The following DCLK1 variants were observed in gnomAD, a reference collection of about 807,000 sequenced individuals.
DCLK1 encodes doublecortin like kinase 1, also known as serine/threonine-protein kinase DCLK1.
A neutral mutation model predicts 86.2 loss-of-function variants in DCLK1; 16 were observed. The ratio of observed to expected loss-of-function variants is 0.19; its 90% CI spans 0.13 to 0.28. DCLK1 has a LOEUF of 0.28. DCLK1 is among the 10% of genes least tolerant of loss of function. DCLK1 has a pLI of 1.00. For missense variants in DCLK1, 590 were observed against 940.2 expected, an observed-to-expected ratio of 0.63 and a Z score of 4.87; for synonymous variants, 369 against 370.5, an observed-to-expected ratio of 1.00 and a Z score of 0.05.
At chr13:35,828,384 TC>T in intron 8 of DCLK1, 77 bp from the exon 9 acceptor site, 8 of 1,161,586 alleles carry the variant, frequency 6.9e-6, no homozygotes, top group Non-Finnish European at 9.9e-6. Context: ...GGGATCAATT[TC>T]CTACCCCATA....
intron 3 of DCLK1, among the ~76,000 whole-genome samples, chr13:36,096,509 T>C (rs780935899): frequency 1.3e-5 from 2 of 152,166 alleles, no homozygotes; most frequent in Non-Finnish European, 2.9e-5. Context: ...TCTCTTTCCT[T>C]GAGAAGAAAG....
At chr13:35,975,649 CG>C (rs371658289) in intron 3 of DCLK1, among the ~76,000 whole-genome samples, 1 of 151,908 alleles carries the variant, frequency 6.6e-6, no homozygotes, top group African/African-American at 2.4e-5. Context: ...GCCCTGAGCA[CG>C]GGGATGAGTT....
intron 3 of DCLK1, among the ~76,000 whole-genome samples, chr13:36,088,033 T>C (rs1278078114): frequency 6.6e-6 from 1 of 152,208 alleles, no homozygotes; most frequent in African/African-American, 2.4e-5. Context: ...ATGGCCAAGT[T>C]ACATGTGGTT....
At chr13:35,896,970 G>A (rs1352838073) in intron 4 of DCLK1, among the ~76,000 whole-genome samples, 1 of 152,180 alleles carries the variant, frequency 6.6e-6, no homozygotes, top group Non-Finnish European at 1.5e-5. Context: ...ACTAGGTGAA[G>A]AGAAGAGCAG....
intron 3 of DCLK1, among the ~76,000 whole-genome samples, chr13:35,983,045 T>C (rs1447136024): frequency 6.6e-6 from 1 of 152,198 alleles, no homozygotes; most frequent in African/African-American, 2.4e-5. Context: ...ATTACAGGTG[T>C]GAGCCACTGC....
intron 3 of DCLK1, among the ~76,000 whole-genome samples, chr13:36,056,725 G>A (rs1350488319): frequency 2.0e-5 from 3 of 148,312 alleles, no homozygotes; most frequent in Non-Finnish European, 3.0e-5. Flanking sequence ...CAATAAATAT[G>A]TATGCATGTG....
intron 4 of DCLK1, among the ~76,000 whole-genome samples, chr13:35,874,324 A>C (rs936474178): frequency 1.6e-4 from 24 of 152,206 alleles, no homozygotes; most frequent in Admixed American, 2.6e-4. Context: ...GTGAGTTTAT[A>C]TGAAATACAG....
At chr13:35,867,848 G>GAAGAAAGAAAGAAAGAAGGAAAGA (rs1263617136) in intron 5 of DCLK1, among the ~76,000 whole-genome samples, 54 of 126,250 alleles carry the variant, frequency 4.3e-4, no homozygotes, top group African/African-American at 1.3e-3. Flanking sequence ...CTTAAAGGGA[G>GAAGAAAGAAAGAAAGAAGGAAAGA]AAGAAAGAAA....
intron 3 of DCLK1, 129 bp from the exon 4 acceptor site, chr13:35,947,586 G>T: frequency 3.3e-6 from 2 of 597,220 alleles, no homozygotes; most frequent in Non-Finnish European, 5.6e-6. Flanking sequence ...CTTCCACAGA[G>T]GAATTTCAAA....
chr13:35,918,840 T>G (rs1875593278), intron 4 of DCLK1, among the ~76,000 whole-genome samples: 1 of 151,596 alleles, frequency 6.6e-6, no homozygotes, highest in Admixed American at 6.6e-5. Context: ...CCTATTTAAT[T>G]AATTGTCTTA....
intron 3 of DCLK1, among the ~76,000 whole-genome samples, chr13:36,049,991 C>T (rs1342535370): frequency 6.6e-6 from 1 of 152,130 alleles, no homozygotes; most frequent in African/African-American, 2.4e-5. Context: ...ATGCTCCCTC[C>T]ATGACATCCA....
chr13:36,044,501 T>C (rs917478948), intron 3 of DCLK1, among the ~76,000 whole-genome samples: 7 of 152,180 alleles, frequency 4.6e-5, no homozygotes, highest in Non-Finnish European at 1.0e-4. Context: ...AATTGGTAGA[T>C]CATCTGATAC....
At chr13:35,888,454 C>G (rs919072416) in intron 4 of DCLK1, among the ~76,000 whole-genome samples, 1 of 152,178 alleles carries the variant, frequency 6.6e-6, no homozygotes, top group Non-Finnish European at 1.5e-5. Context: ...ATTTATTTCC[C>G]TTAAACCTAT....
rs961366013 is a variant in DCLK1 at position 35,868,616 on chromosome 13, C to T, written c.940+2608G>A. Among the ~76,000 whole-genome samples, 3 of 151,980 alleles carry T rather than the reference C, an allele frequency of 2.0e-5. No individual in the cohort carries two copies. In the East Asian group the frequency reaches 5.8e-4, roughly 29 times the overall value. On this transcript the variant is annotated intron_variant, in intron 5 of 16. Transcript: ENST00000360631. ...ATAGTATTGATACTATTCATTAATTCATTAATATACTAATTGATACGGTTT... is the reference window on the plus strand; with the variant it reads ...ATAGTATTGATACTATTCATTAATTTATTAATATACTAATTGATACGGTTT...
intron 3 of DCLK1, among the ~76,000 whole-genome samples, chr13:35,982,374 C>T (rs938062261): frequency 3.5e-5 from 5 of 144,366 alleles, no homozygotes; most frequent in African/African-American, 1.3e-4. Flanking sequence ...GAGTGAGACC[C>T]TATTTCAAGA....
intron 10 of DCLK1, among the ~76,000 whole-genome samples, chr13:35,825,523 G>C (rs541131030): frequency 6.6e-6 from 1 of 152,194 alleles, no homozygotes; most frequent in African/African-American, 2.4e-5. Context: ...AATGCGTTCA[G>C]AGTGCCTAAG....
At chr13:36,071,018 A>G (rs1883955721) in intron 3 of DCLK1, among the ~76,000 whole-genome samples, 1 of 152,138 alleles carries the variant, frequency 6.6e-6, no homozygotes, top group African/African-American at 2.4e-5. Flanking sequence ...TTGGCCTCCA[A>G]GCTAGGTCAC....
chr13:35,928,454 A>G (rs908985791), intron 4 of DCLK1, among the ~76,000 whole-genome samples: 1 of 152,024 alleles, frequency 6.6e-6, no homozygotes, highest in Non-Finnish European at 1.5e-5. Flanking sequence ...TCTTTGCTCA[A>G]ATGTCACTGC....
chr13:35,956,370 C>T (rs1192425736), intron 3 of DCLK1, among the ~76,000 whole-genome samples: 4 of 152,082 alleles, frequency 2.6e-5, no homozygotes, highest in African/African-American at 4.8e-5. Flanking sequence ...ACAAAAGATT[C>T]ATGCAAGTAG....
Sources: gnomAD v4.1 joint callset for allele counts (sites outside exome capture counted in the v4.1 genomes callset) on GRCh38, gnomAD v4.1.1 for gene constraint, MANE v1.5 for transcripts, NCBI Gene and HGNC (gene_info 2026-07-23, HGNC 2026-07-21) for gene names.